The following PYGL variants were observed in gnomAD, a reference collection of about 807,000 sequenced individuals.
PYGL encodes the protein glycogen phosphorylase L, also known as glycogen phosphorylase, liver form.
In PYGL, 90 loss-of-function variants were observed where a neutral mutation model predicts 100.1. The observed-to-expected ratio is 0.90, with a 90% confidence interval of 0.76 to 1.07. The LOEUF (loss-of-function observed/expected upper bound fraction) is 1.07. Among genes scored for constraint, PYGL ranks in the 50% least tolerant of loss-of-function variants. PYGL has a pLI of 0.00. For missense variants in PYGL, 1,016 were observed against 1,057.6 expected (o/e 0.96, Z 0.55); for synonymous variants, 373 against 393.0 (o/e 0.95, Z 0.60).
chr14:50,915,793 A>T (rs762275005), intron 10 of PYGL, 32 bp downstream of exon 10: 3 of 1,605,242 alleles, frequency 1.9e-6, no homozygotes, highest in South Asian at 2.2e-5. Context: ...TCTTATGCTC[A>T]TGAACAGAGA....
chr14:50,921,327 C>T (rs188868380), intron 5 of PYGL: 40 of 482,800 alleles, frequency 8.3e-5, no homozygotes, highest in Non-Finnish European at 1.2e-4. Flanking sequence ...TGTTGACTCT[C>T]CATGTGCCCT....
intron 4 of PYGL, among the ~76,000 whole-genome samples, chr14:50,930,268 T>C (rs1217021901): frequency 6.6e-6 from 1 of 152,248 alleles, no homozygotes; most frequent in African/African-American, 2.4e-5. Flanking sequence ...ATTTTACATG[T>C]TTTTATAATA....
chr14:50,908,761 T>G (rs2050359271), intron 18 of PYGL, 60 bp downstream of exon 18: 4 of 1,522,840 alleles, frequency 2.6e-6, no homozygotes, highest in African/African-American at 1.4e-5. Flanking sequence ...TTGGTTGGTT[T>G]AAGATTTTCT....
chr14:50,937,395 A>G (rs955889266), intron 2 of PYGL, among the ~76,000 whole-genome samples: 1 of 148,840 alleles, frequency 6.7e-6, no homozygotes, highest in African/African-American at 2.4e-5. Context: ...AGAAGCCCAA[A>G]GTAAAGATTG....
At chr14:50,942,822 C>CAAACA (rs35049468) in intron 1 of PYGL, among the ~76,000 whole-genome samples, 34,918 of 130,056 alleles carry the variant, frequency 0.27, 6,689 homozygotes, top group East Asian at 0.42. Flanking sequence ...GACTCTGTCT[C>CAAACA]AAACAAAACA....
At chr14:50,932,958 C>T (rs1373898403) in intron 3 of PYGL, among the ~76,000 whole-genome samples, 1 of 152,200 alleles carries the variant, frequency 6.6e-6, no homozygotes, top group East Asian at 1.9e-4. Flanking sequence ...TCCCTGTGCT[C>T]ACATATGGCC....
chr14:50,916,043 C>T (rs1271632396), intron 9 of PYGL, 72 bp from the exon 10 acceptor site: 1 of 1,591,630 alleles, frequency 6.3e-7, no homozygotes. Context: ...AACCCTTCTT[C>T]AACCCTGCCC....
intron 5 of PYGL, 147 bp downstream of exon 5, chr14:50,923,822 A>G (rs2050523076): frequency 9.4e-7 from 1 of 1,061,118 alleles, no homozygotes; most frequent in Admixed American, 2.2e-5. Context: ...TAAGAGAAGT[A>G]ACAGATTTAT....
chr14:50,907,333 C>A (rs761208412), intron 19 of PYGL, among the ~76,000 whole-genome samples: 5 of 152,098 alleles, frequency 3.3e-5, no homozygotes, highest in Admixed American at 6.6e-5. Context: ...AGAAGAGGTA[C>A]CTATTTTGCA....
chr14:50,924,159 T>C (rs2050526920), intron 4 of PYGL, 59 bp from the exon 5 acceptor site: 7 of 1,549,590 alleles, frequency 4.5e-6, no homozygotes, highest in Non-Finnish European at 5.3e-6. Flanking sequence ...AACCTAGCAC[T>C]TCAATTATAT....
chr14:50,937,738 G>A lies in PYGL; in HGVS notation c.343C>T (p.Gln115Ter). ...AGAGAAATCTAGGAACAATGTACCT[G>A]GTAAATGGCCTCATCACAGGCATTT... ...LQNACDEAIYQLGLDIEELEE... is the reference protein window; with the variant it reads ...LQNACDEAIY Residue 115 changes from glutamine to a stop codon, truncating the protein, a stop_gained and splice_region_variant, in exon 2 of 20, where the codon CAG (glutamine) becomes TAG (stop). Coordinates refer to ENST00000216392, the MANE Select transcript of PYGL (RefSeq NM_002863.5). LOFTEE classifies it high-confidence loss of function. The A allele has an allele frequency of 1.2e-6, 2 of 1,609,856 alleles. No individual in the cohort carries two copies. The highest frequency in any genetic ancestry group is 1.1e-5 in the South Asian group (1 of 90,992).
chr14:50,942,204 A>C (rs1261776273), intron 1 of PYGL, among the ~76,000 whole-genome samples: 1 of 142,088 alleles, frequency 7.0e-6, no homozygotes, highest in East Asian at 2.5e-4. Flanking sequence ...AAACATGTTC[A>C]TTGTTGTATC....
chr14:50,910,514 G>T (rs3783277), intron 16 of PYGL, among the ~76,000 whole-genome samples: 31,113 of 151,928 alleles, frequency 0.2, 4,334 homozygotes, highest in African/African-American at 0.41. Flanking sequence ...GGAGTGCAGT[G>T]GTGCGATTAC....
At chr14:50,928,117 G>C (rs2050569745) in intron 4 of PYGL, among the ~76,000 whole-genome samples, 1 of 152,178 alleles carries the variant, frequency 6.6e-6, no homozygotes, top group South Asian at 2.1e-4. Flanking sequence ...GTGGCAGCTG[G>C]ACTAGGCATT....
chr14:50,935,064 T>G (rs760932983), intron 3 of PYGL, 43 bp downstream of exon 3: 2 of 1,548,496 alleles, frequency 1.3e-6, no homozygotes, highest in East Asian at 2.2e-5. Flanking sequence ...CTGAGATGTC[T>G]TCAATCGGCC....
In PYGL at chr14:50,915,864, A is replaced by C; in HGVS notation, c.1200T>G (p.His400Gln). 6.2e-7 allele frequency: 1 copy of C among 1,614,186 alleles called. No individual in the cohort carries two copies. The highest frequency in any genetic ancestry group is 8.5e-7 in the Non-Finnish European group (1 of 1,179,994). Residue 400 changes from histidine to glutamine, a missense_variant, in exon 10 of 20, where the codon CAT becomes CAG. Coordinates refer to ENST00000216392, the MANE Select transcript of PYGL (RefSeq NM_002863.5). ...GATTTATCTCATAAATGATTTCCAA[A>C]TGTCGAGGGAGCAGCTTCTCCACCA... is the stretch of plus-strand genomic sequence containing the variant. The part of the protein sequence containing the change: ...VDLVEKLLPR[H>Q]LEIIYEINQK...
chr14:50,940,097 G>A (rs17123223), intron 1 of PYGL, among the ~76,000 whole-genome samples: 2,234 of 152,250 alleles, frequency 0.015, 58 homozygotes, highest in African/African-American at 0.051. Flanking sequence ...TCGAATGATT[G>A]GATAAAAGTA....
At position 50,915,319 on chromosome 14, in the gene PYGL, G is replaced by T; in HGVS notation, c.1403+17C>A. On this transcript the variant is annotated intron_variant, in intron 11 of 19. Transcript: ENST00000216392. ...TGGATCAGTGTCAGACCCACTGCCA[G>T]AGTAATGGAGGCTCACACTTTAGTC... is the stretch of plus-strand genomic sequence containing the variant. 2 of 1,613,646 alleles carry T rather than the reference G, an allele frequency of 1.2e-6. No individual in the cohort carries two copies. The highest frequency in any genetic ancestry group is 1.7e-6 in the Non-Finnish European group (2 of 1,179,568).
At chr14:50,937,673 A>T (rs772594280) in intron 2 of PYGL, 63 bp downstream of exon 2, 171 of 1,478,216 alleles carry the variant, frequency 1.2e-4, no homozygotes, top group Admixed American at 3.2e-4. Context: ...AATGTCCCCA[A>T]GTTTCCTGAA....
Sources: gnomAD v4.1 joint callset for allele counts (sites outside exome capture counted in the v4.1 genomes callset) on GRCh38, gnomAD v4.1.1 for gene constraint, MANE v1.5 for transcripts, NCBI Gene and HGNC (gene_info 2026-07-23, HGNC 2026-07-21) for gene names.